ADGRL3: variants seen among roughly 807,000 people sequenced by gnomAD.
ADGRL3 encodes the protein calcium-independent alpha-latrotoxin receptor 3.
ADGRL3 carries 62 observed loss-of-function variants against 153.5 expected under a neutral mutation model. The observed-to-expected ratio is 0.40, with a 90% confidence interval of 0.33 to 0.50. ADGRL3 has a LOEUF of 0.50. ADGRL3 is among the 20% of genes least tolerant of loss of function. ADGRL3 has a pLI of 0.47. For synonymous variants in ADGRL3, 710 were observed against 672.5 expected, an observed-to-expected ratio of 1.06 and a Z score of -0.86; for missense variants, 1,641 against 1,859.4, an observed-to-expected ratio of 0.88 and a Z score of 2.16.
rs561850029 is a variant in ADGRL3, at chr4:61,902,111, G to C, written c.1887+6277G>C. ...CTGGAGTGAGAGAAGTAAACAGGGGGATCAGAAAGATATTCACTTTGGGTG... is the reference window on the plus strand; with the variant it reads ...CTGGAGTGAGAGAAGTAAACAGGGGCATCAGAAAGATATTCACTTTGGGTG... On this transcript the variant is annotated intron_variant, in intron 11 of 26. Coordinates refer to ENST00000683033, the MANE Select transcript of ADGRL3 (RefSeq NM_001387552.1). 3.3e-5 allele frequency among the ~76,000 whole-genome samples: 5 copies of C among 152,256 alleles called. No homozygotes were observed. In the South Asian group the frequency reaches 8.3e-4, roughly 25 times the overall value.
At chr4:61,483,776 T>C (rs1047289631) in intron 2 of ADGRL3, among the ~76,000 whole-genome samples, 1 of 151,640 alleles carries the variant, frequency 6.6e-6, no homozygotes, top group African/African-American at 2.4e-5. Flanking sequence ...TGAGCTCCAA[T>C]ATTTAGTTTA....
intron 6 of ADGRL3, among the ~76,000 whole-genome samples, chr4:61,681,123 A>G (rs2095325636): frequency 6.6e-6 from 1 of 151,706 alleles, no homozygotes; most frequent in African/African-American, 2.4e-5. Flanking sequence ...TTCTCACCCT[A>G]CCTCCTTCCC....
intron 8 of ADGRL3, among the ~76,000 whole-genome samples, chr4:61,752,513 G>C (rs1193493963): frequency 1.3e-5 from 2 of 152,330 alleles, no homozygotes; most frequent in African/African-American, 2.4e-5. Context: ...TTCATCCTCA[G>C]AGATAAGAAT....
intron 2 of ADGRL3, among the ~76,000 whole-genome samples, chr4:61,393,679 A>T (rs2096838460): frequency 6.6e-6 from 1 of 152,192 alleles, no homozygotes; most frequent in African/African-American, 2.4e-5. Context: ...GACATTAAAA[A>T]TATTACTTTT....
At chr4:61,637,169 A>C (rs1458987418) in intron 5 of ADGRL3, among the ~76,000 whole-genome samples, 2 of 152,206 alleles carry the variant, frequency 1.3e-5, no homozygotes, top group African/African-American at 4.8e-5. Flanking sequence ...AAACAGGGTC[A>C]CCAAAGATGT....
At chr4:61,218,763 T>C (rs1577887572) in intron 1 of ADGRL3, among the ~76,000 whole-genome samples, 1 of 152,190 alleles carries the variant, frequency 6.6e-6, no homozygotes, top group African/African-American at 2.4e-5. Flanking sequence ...AGAAAGGAGC[T>C]CAGTTCTTGT....
intron 6 of ADGRL3, among the ~76,000 whole-genome samples, chr4:61,702,449 A>C (rs1036589565): frequency 6.6e-6 from 1 of 152,152 alleles, no homozygotes; most frequent in East Asian, 1.9e-4. Flanking sequence ...CTGTTTTATA[A>C]CTTTATTTTA....
intron 4 of ADGRL3, among the ~76,000 whole-genome samples, chr4:61,535,131 G>A (rs749626754): frequency 3.4e-4 from 52 of 151,826 alleles, no homozygotes; most frequent in Non-Finnish European, 2.9e-4. Flanking sequence ...GTTTGTTGAG[G>A]GTTTTTTAAA....
chr4:61,715,503 G>A (rs2096090059), intron 6 of ADGRL3, among the ~76,000 whole-genome samples: 1 of 152,096 alleles, frequency 6.6e-6, no homozygotes, highest in Non-Finnish European at 1.5e-5. Flanking sequence ...TTTTTCTTGT[G>A]TAAAAGGAAA....
intron 2 of ADGRL3, among the ~76,000 whole-genome samples, chr4:61,467,305 T>C (rs2097896809): frequency 6.6e-6 from 1 of 152,148 alleles, no homozygotes; most frequent in Non-Finnish European, 1.5e-5. Context: ...GTGATAATAT[T>C]ACCGTTCCAC....
At chr4:61,955,711 G>C (rs566978165) in intron 17 of ADGRL3, among the ~76,000 whole-genome samples, 1 of 151,950 alleles carries the variant, frequency 6.6e-6, no homozygotes, top group Non-Finnish European at 1.5e-5. Context: ...AACAGGGCCT[G>C]GTGTGTGTTG....
intron 17 of ADGRL3, among the ~76,000 whole-genome samples, chr4:61,974,749 A>C (rs2150729145): frequency 6.6e-6 from 1 of 152,288 alleles, no homozygotes. Context: ...TCTTATTTAC[A>C]TCTGTACTTT....
At chr4:61,248,869 C>G (rs1758096472) in intron 1 of ADGRL3, among the ~76,000 whole-genome samples, 1 of 152,122 alleles carries the variant, frequency 6.6e-6, no homozygotes, top group African/African-American at 2.4e-5. Context: ...GTTTATCGAG[C>G]TACACCTCGT....
intron 2 of ADGRL3, among the ~76,000 whole-genome samples, chr4:61,486,715 A>C (rs1166962880): frequency 6.6e-6 from 1 of 152,212 alleles, no homozygotes; most frequent in Admixed American, 6.5e-5. Flanking sequence ...TCATACTGAT[A>C]TATTTTGAAA....
chr4:61,509,350 A>G (rs912848137), intron 3 of ADGRL3, among the ~76,000 whole-genome samples: 1 of 150,160 alleles, frequency 6.7e-6, no homozygotes, highest in Non-Finnish European at 1.5e-5. Context: ...CTGGTCTTGA[A>G]CTCCTGACCT....
At chr4:61,754,415 A>C (rs2096794991) in intron 8 of ADGRL3, among the ~76,000 whole-genome samples, 1 of 152,036 alleles carries the variant, frequency 6.6e-6, no homozygotes. Context: ...GCTTGAGAGA[A>C]AAAGAGAAGA....
intron 1 of ADGRL3, among the ~76,000 whole-genome samples, chr4:61,209,589 A>G (rs1738940718): frequency 6.6e-6 from 1 of 152,104 alleles, no homozygotes; most frequent in Non-Finnish European, 1.5e-5. Flanking sequence ...TCTTGTATTT[A>G]TCTTTACTAT....
chr4:61,396,605 G>T (rs1378123150), intron 2 of ADGRL3, among the ~76,000 whole-genome samples: 1 of 151,722 alleles, frequency 6.6e-6, no homozygotes, highest in Non-Finnish European at 1.5e-5. Flanking sequence ...TTACAGTGTA[G>T]GTCAAAATGA....
chr4:62,023,999 T>C (rs977900964), intron 21 of ADGRL3, among the ~76,000 whole-genome samples: 1 of 152,178 alleles, frequency 6.6e-6, no homozygotes, highest in Non-Finnish European at 1.5e-5. Context: ...AACTTAATAC[T>C]TCATTATTCA....
Sources: gnomAD v4.1 joint callset for allele counts (sites outside exome capture counted in the v4.1 genomes callset) on GRCh38, gnomAD v4.1.1 for gene constraint, MANE v1.5 for transcripts, NCBI Gene and HGNC (gene_info 2026-07-23, HGNC 2026-07-21) for gene names.